The following RNGTT variants were observed in gnomAD, a reference collection of about 807,000 sequenced individuals.
The protein encoded by RNGTT is mRNA-capping enzyme.
In RNGTT, 33 loss-of-function variants were observed where a neutral mutation model predicts 79.3. That is an observed-to-expected ratio of 0.42 (90% CI 0.32 to 0.56). RNGTT has a LOEUF of 0.56. Among genes scored for constraint, RNGTT ranks in the 20% least tolerant of loss-of-function variants. The probability of loss-of-function intolerance (pLI) is 0.17; values close to 1 mark genes in which losing one functional copy is unlikely to be tolerated. For missense variants in RNGTT, 497 were observed against 739.1 expected (o/e 0.67, Z 3.80); for synonymous variants, 222 against 235.9 (o/e 0.94, Z 0.54).
intron 4 of RNGTT, among the ~76,000 whole-genome samples, chr6:88,912,769 C>T (rs528855871): frequency 1.3e-5 from 2 of 152,250 alleles, no homozygotes; most frequent in African/African-American, 2.4e-5. Context: ...TACCTCTATG[C>T]ACACAAACTA....
At chr6:88,802,260 T>C (rs1419502569) in intron 11 of RNGTT, among the ~76,000 whole-genome samples, 1 of 152,196 alleles carries the variant, frequency 6.6e-6, no homozygotes, top group Non-Finnish European at 1.5e-5. Flanking sequence ...ATGTTTTTAA[T>C]CTTACTTTGG....
chr6:88,888,794 C>A (rs1027450539), intron 8 of RNGTT, among the ~76,000 whole-genome samples: 6 of 152,192 alleles, frequency 3.9e-5, no homozygotes, highest in Non-Finnish European at 7.3e-5. Flanking sequence ...CTTTGGGAGA[C>A]CAAGGCAGGT....
At chr6:88,710,068 G>C (rs1776267186) in intron 13 of RNGTT, among the ~76,000 whole-genome samples, 1 of 152,146 alleles carries the variant, frequency 6.6e-6, no homozygotes, top group Non-Finnish European at 1.5e-5. Context: ...TTATTGATTT[G>C]TTAAGCAAGT....
intron 13 of RNGTT, among the ~76,000 whole-genome samples, chr6:88,719,673 T>C (rs1776639014): frequency 1.3e-5 from 2 of 152,212 alleles, no homozygotes; most frequent in Non-Finnish European, 2.9e-5. Context: ...AAATTTTATC[T>C]ATATTAAAAA....
intron 12 of RNGTT, among the ~76,000 whole-genome samples, chr6:88,795,104 A>G (rs1393823622): frequency 6.6e-6 from 1 of 152,242 alleles, no homozygotes; most frequent in African/African-American, 2.4e-5. Flanking sequence ...AAGTGATGAT[A>G]GAGGAATAGT....
intron 1 of RNGTT, among the ~76,000 whole-genome samples, chr6:88,962,000 T>C (rs1278342872): frequency 6.6e-6 from 1 of 152,246 alleles, no homozygotes; most frequent in African/African-American, 2.4e-5. Flanking sequence ...GATACATGCA[T>C]AATCTGGATG....
chr6:88,904,194 A>G (rs1487081613), intron 6 of RNGTT, among the ~76,000 whole-genome samples: 1 of 152,210 alleles, frequency 6.6e-6, no homozygotes, highest in Non-Finnish European at 1.5e-5. Flanking sequence ...ATATTATCTA[A>G]TATCTAAAGA....
chr6:88,644,701 C>G (rs559892349), intron 14 of RNGTT, among the ~76,000 whole-genome samples: 5 of 152,118 alleles, frequency 3.3e-5, no homozygotes, highest in African/African-American at 1.2e-4. Context: ...GTTCAACATA[C>G]GCTAATCAAT....
intron 13 of RNGTT, among the ~76,000 whole-genome samples, chr6:88,692,843 A>G (rs1324710833): frequency 6.6e-6 from 1 of 152,024 alleles, no homozygotes; most frequent in Non-Finnish European, 1.5e-5. Context: ...TTTAAAATAT[A>G]TATATATAAA....
chr6:88,829,412 T>C (rs1246048183), intron 11 of RNGTT, among the ~76,000 whole-genome samples: 1 of 152,100 alleles, frequency 6.6e-6, no homozygotes, highest in Non-Finnish European at 1.5e-5. Context: ...TATCAACCAC[T>C]GCAAAAACAT....
chr6:88,835,379 G>A (rs1279304136), intron 11 of RNGTT, among the ~76,000 whole-genome samples: 7 of 151,906 alleles, frequency 4.6e-5, no homozygotes, highest in African/African-American at 1.7e-4. Context: ...CAGAGTTCCA[G>A]ACACAGACAA....
intron 1 of RNGTT, among the ~76,000 whole-genome samples, chr6:88,959,497 A>G (rs1448061060): frequency 1.3e-5 from 2 of 152,048 alleles, no homozygotes; most frequent in Non-Finnish European, 2.9e-5. Context: ...GACATTTGAG[A>G]CTAAATTTTG....
chr6:88,635,597 T>C (rs1773069849), intron 14 of RNGTT, among the ~76,000 whole-genome samples: 1 of 152,072 alleles, frequency 6.6e-6, no homozygotes. Context: ...TCATCATTTG[T>C]ATGTATGTGA....
intron 13 of RNGTT, among the ~76,000 whole-genome samples, chr6:88,724,063 C>T (rs1776802138): frequency 1.3e-5 from 2 of 151,932 alleles, no homozygotes; most frequent in South Asian, 4.1e-4. Flanking sequence ...ACAAAAGAGT[C>T]AAAAGGTTTA....
intron 11 of RNGTT, among the ~76,000 whole-genome samples, chr6:88,811,683 T>C (rs554073573): frequency 5.8e-4 from 89 of 152,218 alleles, no homozygotes; most frequent in African/African-American, 2.1e-3. Context: ...TTATTAGAAA[T>C]ACGAATTGGC....
At chr6:88,708,673 C>T (rs1295782067) in intron 13 of RNGTT, among the ~76,000 whole-genome samples, 1 of 152,168 alleles carries the variant, frequency 6.6e-6, no homozygotes, top group East Asian at 1.9e-4. Context: ...CATGGCTCTG[C>T]TGGGTTTCAA....
At chr6:88,746,598 T>G (rs1777666282) in intron 13 of RNGTT, among the ~76,000 whole-genome samples, 1 of 152,122 alleles carries the variant, frequency 6.6e-6, no homozygotes, top group African/African-American at 2.4e-5. Context: ...TTAGATCCCT[T>G]GCATGAGCAG....
At chr6:88,702,808 A>G (rs546179926) in intron 13 of RNGTT, among the ~76,000 whole-genome samples, 5 of 152,194 alleles carry the variant, frequency 3.3e-5, no homozygotes, top group East Asian at 1.9e-4. Context: ...GCATCCAACA[A>G]AGGTCTAATA....
intron 14 of RNGTT, among the ~76,000 whole-genome samples, chr6:88,669,879 T>C (rs1206093874): frequency 1.3e-5 from 2 of 152,194 alleles, no homozygotes; most frequent in South Asian, 2.1e-4. Flanking sequence ...AAGAATCATA[T>C]AGTACTATGG....
Sources: allele counts gnomAD v4.1 joint callset (sites outside exome capture counted in the v4.1 genomes callset), GRCh38; gene constraint gnomAD v4.1.1; transcripts MANE v1.5; gene names NCBI Gene and HGNC (gene_info 2026-07-23, HGNC 2026-07-21).